SULF2: variants seen among roughly 807,000 people sequenced by gnomAD.
SULF2 encodes the protein sulfatase 2, also known as extracellular sulfatase Sulf-2.
SULF2 carries 52 observed loss-of-function variants against 107.7 expected under a neutral mutation model. The ratio of observed to expected loss-of-function variants is 0.48; its 90% CI spans 0.39 to 0.61. SULF2 has a LOEUF of 0.61. Ranked by LOEUF, SULF2 falls within the 20% of genes least tolerant of loss-of-function variation. The pLI, the probability that SULF2 is intolerant of heterozygous loss-of-function variation, is 0.00. For missense variants in SULF2, 993 were observed against 1,177.3 expected (o/e 0.84, Z 2.29); for synonymous variants, 460 against 464.3 (o/e 0.99, Z 0.12).
At chr20:47,739,906 A>C (rs1173399814) in intron 2 of SULF2, among the ~76,000 whole-genome samples, 1 of 152,232 alleles carries the variant, frequency 6.6e-6, no homozygotes, top group East Asian at 1.9e-4. Context: ...GTGACATTAA[A>C]TAGCATCACA....
intron 14 of SULF2, 82 bp downstream of exon 14, chr20:47,665,115 AAG>A: frequency 1.1e-6 from 1 of 872,120 alleles, no homozygotes; most frequent in Non-Finnish European, 1.9e-6. Context: ...TAAAAAATGA[AAG>A]GGGTCAATCA....
intron 11 of SULF2, among the ~76,000 whole-genome samples, chr20:47,668,827 T>C (rs1041798399): frequency 1.4e-5 from 2 of 147,642 alleles, no homozygotes; most frequent in African/African-American, 5.4e-5. Flanking sequence ...CCCATGCCCA[T>C]GGTGCTTCTC....
At chr20:47,725,430 G>A (rs2089413400) in intron 3 of SULF2, among the ~76,000 whole-genome samples, 1 of 152,186 alleles carries the variant, frequency 6.6e-6, no homozygotes, top group African/African-American at 2.4e-5. Context: ...GGGGCCACGT[G>A]GACTCTGCTG....
chr20:47,672,969 AG>A (rs2087527086), intron 10 of SULF2, among the ~76,000 whole-genome samples: 1 of 152,098 alleles, frequency 6.6e-6, no homozygotes, highest in Non-Finnish European at 1.5e-5. Context: ...CTCCAGCGCA[AG>A]GAGGTCTCCC....
chr20:47,712,753 G>A (rs1180464938), intron 3 of SULF2, among the ~76,000 whole-genome samples: 1 of 152,204 alleles, frequency 6.6e-6, no homozygotes, highest in Non-Finnish European at 1.5e-5. Context: ...GGGATTCTAG[G>A]CCTGGTGTGG....
rs542381370 is a variant in SULF2, at chr20:47,692,553, G to C, written c.568-2258C>G. Among the ~76,000 whole-genome samples, 226 of 152,278 alleles carry C rather than the reference G, an allele frequency of 1.5e-3. 3 individuals carry two copies. The South Asian group carries it at 0.041, about 28-fold the overall frequency. ...AGCCTTCTAAGTAGCTAGGACTATA[G>C]GCATGTGCCACCACACCCAGCTAAT... On this transcript the variant is annotated intron_variant, in intron 4 of 20. Coordinates refer to ENST00000688720, the MANE Select transcript of SULF2 (RefSeq NM_001387048.1).
intron 5 of SULF2, chr20:47,684,882 G>A (rs1568813166): frequency 7.0e-6 from 2 of 284,020 alleles, no homozygotes; most frequent in South Asian, 1.5e-4. Flanking sequence ...GGCAAAGTCT[G>A]TTTGGTGCTA....
At chr20:47,658,580 T>C (rs1420438166) in intron 20 of SULF2, among the ~76,000 whole-genome samples, 188 bp from the exon 21 acceptor site, 2 of 152,202 alleles carry the variant, frequency 1.3e-5, no homozygotes, top group Non-Finnish European at 2.9e-5. Context: ...ACCCAATGCC[T>C]GGCAAGGATG....
intron 16 of SULF2, 110 bp from the exon 17 acceptor site, chr20:47,663,322 A>T: frequency 1.3e-6 from 2 of 1,579,682 alleles, no homozygotes; most frequent in African/African-American, 1.3e-5. Context: ...AAATGCCAAG[A>T]GGCTGTCCCG....
At chr20:47,758,345 A>T in intron 1 of SULF2, among the ~76,000 whole-genome samples, 1 of 151,682 alleles carries the variant, frequency 6.6e-6, no homozygotes. Context: ...AATTTTTTGT[A>T]TTTTTGGTAG....
At chr20:47,688,128 G>T (rs1568817342) in intron 5 of SULF2, among the ~76,000 whole-genome samples, 1 of 152,086 alleles carries the variant, frequency 6.6e-6, no homozygotes. Flanking sequence ...CCCAGGAAAG[G>T]GCATGTGCCG....
intron 1 of SULF2, among the ~76,000 whole-genome samples, chr20:47,771,973 T>C (rs931668443): frequency 1.3e-5 from 2 of 152,222 alleles, no homozygotes; most frequent in Non-Finnish European, 2.9e-5. Flanking sequence ...GGCTCCTGAT[T>C]TGAGGCAAAT....
chr20:47,675,288 G>T (rs1049374531), intron 10 of SULF2, among the ~76,000 whole-genome samples: 2 of 152,148 alleles, frequency 1.3e-5, no homozygotes, highest in Admixed American at 1.3e-4. Flanking sequence ...GCTCTGGGAG[G>T]GCAGGAGCTT....
intron 1 of SULF2, among the ~76,000 whole-genome samples, chr20:47,766,882 C>T (rs1194695708): frequency 6.6e-6 from 1 of 151,918 alleles, no homozygotes; most frequent in Non-Finnish European, 1.5e-5. Context: ...GTTTGACAGG[C>T]CATATAATTC....
chr20:47,670,729 A>T, intron 11 of SULF2, among the ~76,000 whole-genome samples: 1 of 129,476 alleles, frequency 7.7e-6, no homozygotes, highest in Non-Finnish European at 1.7e-5. Context: ...GGGGTGGGAG[A>T]ATGGGGAGAT....
chr20:47,770,943 G>A (rs1012469685), intron 1 of SULF2, among the ~76,000 whole-genome samples: 9 of 152,156 alleles, frequency 5.9e-5, no homozygotes, highest in Non-Finnish European at 8.8e-5. Context: ...CCAGGGCTAC[G>A]CACGTCTGGC....
chr20:47,675,621 G>T (rs556657725), intron 10 of SULF2, among the ~76,000 whole-genome samples: 1 of 152,110 alleles, frequency 6.6e-6, no homozygotes, highest in African/African-American at 2.4e-5. Context: ...TCTCATAGGT[G>T]AAACAGGCAC....
Position 47,678,504 on chromosome 20 carries a change from A to T in SULF2, c.1193+172T>A. 1.6e-6 allele frequency: 1 copy of T among 608,430 alleles called. No individual in the cohort carries two copies. Among genetic ancestry groups the T allele is most frequent in the Non-Finnish European group, 2.7e-6 (1 of 372,942 alleles). The allele number at this position is 608,430 out of a possible 1,614,324, so 37.7% of individuals were successfully genotyped here. A position where few individuals can be genotyped will look rare whatever the true frequency, so the allele number is the denominator to read the frequency against. On this transcript the variant is annotated intron_variant, in intron 8 of 20. Coordinates refer to ENST00000688720, the MANE Select transcript of SULF2 (RefSeq NM_001387048.1). This position sits in a 1 kb window ranked among gnomAD's most constrained non-coding sequence, Gnocchi z 4.5. ...TCCAGATGGGAAGACAGAATCTCGG[A>T]GAGGGGACCATGCTTCTCTCCCACA...
At chr20:47,687,652 CGTGT>C (rs1466943719) in intron 5 of SULF2, among the ~76,000 whole-genome samples, 2 of 150,684 alleles carry the variant, frequency 1.3e-5, no homozygotes, top group Admixed American at 6.6e-5. Flanking sequence ...TCTTTGTTTG[CGTGT>C]GTGTATGTCT....
Sources: allele counts gnomAD v4.1 joint callset (sites outside exome capture counted in the v4.1 genomes callset), GRCh38; gene constraint gnomAD v4.1.1; non-coding constraint Gnocchi (gnomAD v3.1); transcripts MANE v1.5; gene names NCBI Gene and HGNC (gene_info 2026-07-23, HGNC 2026-07-21).